Variants in OR1L6 observed in about 807,000 individuals in gnomAD.
The protein encoded by OR1L6 is olfactory receptor family 1 subfamily L member 6, also known as olfactory receptor 1L6.
Under a neutral mutation model 3.0 loss-of-function variants are expected in OR1L6, and 2 were observed. That is an observed-to-expected ratio of 0.68 (90% CI 0.28 to 2.13). The LOEUF (loss-of-function observed/expected upper bound fraction) is 2.13, where lower values mean the gene tolerates loss of function less well. Among genes scored for constraint, OR1L6 ranks in the 30% most tolerant of loss-of-function variants. OR1L6 has a pLI of 0.14. For missense variants in OR1L6, 304 were observed against 378.4 expected (o/e 0.80, Z 1.63); for synonymous variants, 121 against 148.4 (o/e 0.82, Z 1.34).
intron 1 of OR1L6, 69 bp from the exon 2 acceptor site, chr9:122,749,766 T>G: frequency 7.2e-7 from 1 of 1,393,590 alleles, no homozygotes; most frequent in Non-Finnish European, 1.0e-6. Context: ...GGCTTAAGCT[T>G]ATGAAAGAAG....
chr9:122,749,058 A>T lies in OR1L6; in HGVS notation c.-13-777A>T, dbSNP rs1010189934. Among the ~76,000 whole-genome samples, 6 of 152,318 alleles carry T rather than the reference A, an allele frequency of 3.9e-5. 1 individual carries two copies. Among genetic ancestry groups the T allele is most frequent in the Admixed American group, 3.9e-4 (6 of 15,308 alleles). On this transcript the variant is annotated intron_variant, in intron 1 of 1. Transcript: ENST00000304720. ...AGTGCTGCAATAAACATATAAGTGCAGGTATCCCTTTGATATATTGATTTA... is the reference window on the plus strand; with the variant it reads ...AGTGCTGCAATAAACATATAAGTGCTGGTATCCCTTTGATATATTGATTTA...
At chr9:122,746,712 A>G (rs1828840652) in intron 1 of OR1L6, among the ~76,000 whole-genome samples, 1 of 152,232 alleles carries the variant, frequency 6.6e-6, no homozygotes, top group African/African-American at 2.4e-5. Flanking sequence ...TCTTACTGCT[A>G]GTATACATGA....
intron 1 of OR1L6, among the ~76,000 whole-genome samples, chr9:122,745,016 C>T (rs1428218529): frequency 6.6e-6 from 1 of 152,112 alleles, no homozygotes; most frequent in Non-Finnish European, 1.5e-5. Flanking sequence ...AGGGGTGAAG[C>T]TAAAAGATAC....
chr9:122,749,759 T>C (rs1828870940), intron 1 of OR1L6, 76 bp from the exon 2 acceptor site: 1 of 1,340,512 alleles, frequency 7.5e-7, no homozygotes, highest in African/African-American at 1.4e-5. Flanking sequence ...TTTTACAGGC[T>C]TAAGCTTATG....
At chr9:122,747,753 T>C (rs1386008150) in intron 1 of OR1L6, among the ~76,000 whole-genome samples, 1 of 152,078 alleles carries the variant, frequency 6.6e-6, no homozygotes, top group Non-Finnish European at 1.5e-5. Context: ...TCTGGTTAGT[T>C]TGGTAAAGTC....
rs781334467 is a variant in OR1L6 at position 122,749,901 on chromosome 9, C to G, written c.54C>G (p.Leu18=). 1.9e-6 allele frequency: 3 copies of G among 1,614,198 alleles called. No homozygotes were observed. Among genetic ancestry groups the G allele is most frequent in the Admixed American group, 3.3e-5 (2 of 60,028 alleles). Residue 18 remains leucine, a synonymous_variant, in exon 2 of 2, where the codon CTC becomes CTG. Coordinates refer to ENST00000304720, the MANE Select transcript of OR1L6 (RefSeq NM_001004453.3). ...CCTCAGGCTTCATCCTCCTGGGCCT[C>G]TCTTCCAACCCTCAGCTGCAGAAAC... ...SSTSGFILLG[L]SSNPQLQKPL...
At chr9:122,748,387 C>T (rs1249045540) in intron 1 of OR1L6, among the ~76,000 whole-genome samples, 1 of 151,746 alleles carries the variant, frequency 6.6e-6, no homozygotes, top group Non-Finnish European at 1.5e-5. Context: ...ACCCAGAAAC[C>T]ACTTCCTCTG....
rs147959413 is a variant in OR1L6, at chr9:122,750,485, T to C, written c.638T>C (p.Leu213Pro). The C allele has an allele frequency of 2.9e-6, 3 of 1,018,352 alleles. No homozygotes were observed. Among genetic ancestry groups the C allele is most frequent in the Non-Finnish European group, 4.6e-6 (3 of 654,414 alleles). The allele number at this position is 1,018,352 out of a possible 1,614,324, so 63.1% of individuals were successfully genotyped here. A position where few individuals can be genotyped will look rare whatever the true frequency, so the allele number is the denominator to read the frequency against. The change falls in exon 2 of 2, where the codon CTG becomes CCG. Residue 213 changes from leucine to proline, a missense_variant. By Grantham distance (98) the Leu-to-Pro change is moderately conservative. This residue lies in a region of OR1L6 where 21 missense variants were observed against 47.9 expected (regional missense o/e 0.44). Transcript: ENST00000304720. ...ETLAVIVTPFLCIIFSYLRIM... is the reference protein window; with the variant it reads ...ETLAVIVTPFPCIIFSYLRIM... ...TTAGCTGTCATTGTGACCCCCTTCC[T>C]GTGTATCATCTTCTCCTACCTGCGA...
intron 1 of OR1L6, 34 bp from the exon 2 acceptor site, chr9:122,749,801 C>T: frequency 6.3e-7 from 1 of 1,597,596 alleles, no homozygotes; most frequent in South Asian, 1.1e-5. Context: ...CTGCCCTTTA[C>T]ATCTCTCCCA....
At chr9:122,748,206 G>A (rs1828854677) in intron 1 of OR1L6, among the ~76,000 whole-genome samples, 2 of 152,022 alleles carry the variant, frequency 1.3e-5, no homozygotes, top group African/African-American at 4.8e-5. Context: ...CTTAAGGAAG[G>A]CTCATCTGAA....
chr9:122,743,624 G>A (rs143870974), intron 1 of OR1L6, among the ~76,000 whole-genome samples: 9 of 152,232 alleles, frequency 5.9e-5, no homozygotes, highest in East Asian at 1.9e-4. Context: ...ATCCCAAAAC[G>A]TGGACCCAGA....
chr9:122,750,616 A>T lies in OR1L6; in HGVS notation c.769A>T (p.Ile257Phe), dbSNP rs773076452. 6.2e-7 allele frequency: 1 copy of T among 1,614,080 alleles called. No individual in the cohort carries two copies. Among genetic ancestry groups the T allele is most frequent in the South Asian group, 1.1e-5 (1 of 91,074 alleles). Residue 257 changes from isoleucine (I) to phenylalanine (F), a missense_variant, in exon 2 of 2, where the codon ATT becomes TTT. Ile to Phe is a conservative substitution (Grantham distance 21). Around this residue, in one of 3 missense-constraint regions of OR1L6, gnomAD observed 91 missense variants for 87.8 expected, o/e 1.04. Transcript: ENST00000304720. ...AGTAGCCCTTTTCTATGGGAGTATTATTTATGTCTATTTTAGGCCCCTGTC... is the reference window on the plus strand; with the variant it reads ...AGTAGCCCTTTTCTATGGGAGTATTTTTTATGTCTATTTTAGGCCCCTGTC... ...TAVALFYGSI[I>F]YVYFRPLSMY...
At chr9:122,748,604 G>A (rs1183781319) in intron 1 of OR1L6, among the ~76,000 whole-genome samples, 1 of 152,118 alleles carries the variant, frequency 6.6e-6, no homozygotes, top group East Asian at 1.9e-4. Flanking sequence ...GGTCAAGTTA[G>A]GGTCTTTAGG....
rs537131343 is a variant in OR1L6 at position 122,750,362 on chromosome 9, C to T, written c.515C>T (p.Ser172Phe). Residue 172 changes from serine to phenylalanine, a missense_variant, in exon 2 of 2, where the codon TCT becomes TTT. Coordinates refer to ENST00000304720, the MANE Select transcript of OR1L6 (RefSeq NM_001004453.3). ...LLMSRLSFCA[S>F]HIIKHFFCDT... Reference sequence around the variant, plus strand: ...ATGTCTCGCTTGTCTTTCTGTGCCTCTCACATCATTAAGCACTTTTTCTGT... The same window carrying T: ...ATGTCTCGCTTGTCTTTCTGTGCCTTTCACATCATTAAGCACTTTTTCTGT... The T allele has an allele frequency of 1.9e-4, 314 of 1,613,668 alleles. 4 individuals are homozygous for T. In the Admixed American group the frequency reaches 5.1e-3, roughly 26 times the overall value.
Position 122,750,083 on chromosome 9 carries a change from T to A in OR1L6, c.236T>A (p.Val79Glu). The A allele has an allele frequency of 6.2e-7, 1 of 1,614,160 alleles. No individual in the cohort carries two copies. Among genetic ancestry groups the A allele is most frequent in the Non-Finnish European group, 8.5e-7 (1 of 1,180,022 alleles). Residue 79 changes from valine to glutamate, a missense_variant, in exon 2 of 2, where the codon GTG (valine) becomes GAG (glutamate). This residue lies in a region of OR1L6 where 192 missense variants were observed against 242.7 expected (regional missense o/e 0.79). Coordinates refer to ENST00000304720, the MANE Select transcript of OR1L6 (RefSeq NM_001004453.3). ...GATATCTGCTTCACAACAGTCATAG[T>A]GCCTAAGATGCTGGTGAATTTTCTA... Reference protein sequence around the residue: ...FMDICFTTVIVPKMLVNFLSE... With the variant: ...FMDICFTTVIEPKMLVNFLSE...
At chr9:122,746,822 T>A (rs1298886661) in intron 1 of OR1L6, among the ~76,000 whole-genome samples, 2 of 152,208 alleles carry the variant, frequency 1.3e-5, no homozygotes, top group African/African-American at 4.8e-5. Flanking sequence ...ATTATGCTGA[T>A]CATCTTGTCA....
At chr9:122,748,342 A>T in intron 1 of OR1L6, among the ~76,000 whole-genome samples, 1 of 152,010 alleles carries the variant, frequency 6.6e-6, no homozygotes, top group East Asian at 1.9e-4. Flanking sequence ...ATTCATGGAG[A>T]TACCCTGAAT....
In OR1L6 at chr9:122,750,078, C is replaced by T. The variant is rs1307915494; in HGVS notation, c.231C>T (p.Val77=). Residue 77 remains valine (V), a synonymous_variant, in exon 2 of 2, where the codon GTC becomes GTT. Transcript: ENST00000304720. ...TCATGGATATCTGCTTCACAACAGT[C>T]ATAGTGCCTAAGATGCTGGTGAATT... The part of the protein sequence containing the change: ...LSFMDICFTT[V]IVPKMLVNFL... 1.2e-6 allele frequency: 2 copies of T among 1,614,000 alleles called. No homozygotes were observed. The highest frequency in any genetic ancestry group is 1.7e-6 in the Non-Finnish European group (2 of 1,180,026).
At chr9:122,745,657 C>T (rs1197773401) in intron 1 of OR1L6, among the ~76,000 whole-genome samples, 1 of 151,782 alleles carries the variant, frequency 6.6e-6, no homozygotes, top group African/African-American at 2.4e-5. Context: ...CATGATCCGC[C>T]CGCCTCGGCC....
Sources: allele counts gnomAD v4.1 joint callset (sites outside exome capture counted in the v4.1 genomes callset), GRCh38; gene constraint gnomAD v4.1.1; regional missense constraint gnomAD v4.1.1; transcripts MANE v1.5; gene names NCBI Gene and HGNC (gene_info 2026-07-23, HGNC 2026-07-21).